Variants in RANBP17 observed in about 807,000 individuals in gnomAD.
RANBP17 encodes ran-binding protein 17.
Under a neutral mutation model 141.2 loss-of-function variants are expected in RANBP17, and 158 were observed. That is an observed-to-expected ratio of 1.12 (90% confidence interval 0.98 to 1.28). The LOEUF (loss-of-function observed/expected upper bound fraction) is 1.28, where lower values mean the gene tolerates loss of function less well. Ranked by LOEUF, RANBP17 falls within the 50% of genes most tolerant of loss-of-function variation. The probability of loss-of-function intolerance (pLI) is 0.00; values close to 1 mark genes in which losing one functional copy is unlikely to be tolerated. For synonymous variants in RANBP17, 430 were observed against 450.0 expected (o/e 0.96, Z 0.56); for missense variants, 1,438 against 1,290.7 (o/e 1.11, Z -1.75).
chr5:170,872,712 A>G (rs1281161916), intron 1 of RANBP17, among the ~76,000 whole-genome samples: 1 of 152,182 alleles, frequency 6.6e-6, no homozygotes, highest in East Asian at 1.9e-4. Context: ...AAGAATTTTT[A>G]ACATGCAGGG....
chr5:171,102,455 G>A lies in RANBP17; in HGVS notation c.1711-67675G>A, dbSNP rs550337986. Among the ~76,000 whole-genome samples the A allele has an allele frequency of 1.5e-3, 229 of 151,888 alleles. 1 individual carries two copies. Among genetic ancestry groups the A allele is most frequent in the Admixed American group, 2.8e-3 (42 of 15,240 alleles). On this transcript the variant is annotated intron_variant, in intron 14 of 27. Coordinates refer to ENST00000523189, the MANE Select transcript of RANBP17 (RefSeq NM_022897.5). ...TTTTCAGCTCCATCAGGTCATTTATGTTCTTCTCTAATCTAGTTATTCTAG... is the reference window on the plus strand; with the variant it reads ...TTTTCAGCTCCATCAGGTCATTTATATTCTTCTCTAATCTAGTTATTCTAG...
chr5:171,038,516 T>G (rs1782033235), intron 14 of RANBP17, among the ~76,000 whole-genome samples: 1 of 152,194 alleles, frequency 6.6e-6, no homozygotes, highest in Non-Finnish European at 1.5e-5. Context: ...GGCATCCTTG[T>G]CTTGTTCCAG....
intron 25 of RANBP17, among the ~76,000 whole-genome samples, chr5:171,279,057 A>T (rs1767696345): frequency 6.6e-6 from 1 of 152,192 alleles, no homozygotes; most frequent in South Asian, 2.1e-4. Context: ...TTTTGAAGCC[A>T]TATCACTGAG....
chr5:171,267,429 T>C (rs1275138373), intron 25 of RANBP17, among the ~76,000 whole-genome samples: 1 of 152,122 alleles, frequency 6.6e-6, no homozygotes, highest in African/African-American at 2.4e-5. Context: ...ATTACATCCA[T>C]AATAGTTTGT....
Position 170,871,890 on chromosome 5 carries a change from G to A in RANBP17, c.19-6207G>A, listed in dbSNP as rs573930614. Among the ~76,000 whole-genome samples, 16 of 152,210 alleles carry A rather than the reference G, an allele frequency of 1.1e-4. No homozygotes were observed. The South Asian group carries it at 3.1e-3, about 30-fold the overall frequency. ...TCTATTGGTCTATGTGTTTGTTTTGGTACCAGTACCATACTGTTTTAGTTA... is the reference window on the plus strand; with the variant it reads ...TCTATTGGTCTATGTGTTTGTTTTGATACCAGTACCATACTGTTTTAGTTA... On this transcript the variant is annotated intron_variant, in intron 1 of 27. Transcript: ENST00000523189.
At chr5:171,114,811 G>A (rs929730803) in intron 14 of RANBP17, among the ~76,000 whole-genome samples, 1 of 151,358 alleles carries the variant, frequency 6.6e-6, no homozygotes, top group Non-Finnish European at 1.5e-5. Flanking sequence ...TGTGGTCTTG[G>A]TTCTTAAAAA....
rs1211609099 is a variant in RANBP17, at chr5:171,086,714, T to G, written c.1711-83416T>G. Among the ~76,000 whole-genome samples the G allele has an allele frequency of 7.1e-4, 107 of 149,862 alleles. 1 individual carries two copies. The highest frequency in any genetic ancestry group is 2.1e-3 in the Admixed American group (31 of 14,974). ...TGGGAGAGTGTATGTGTCGAGGAAT[T>G]TATCCATTTCTTCTAGATTTTCTAG... On this transcript the variant is annotated intron_variant, in intron 14 of 27. Transcript: ENST00000523189.
intron 14 of RANBP17, among the ~76,000 whole-genome samples, chr5:171,154,472 G>A (rs1171590911): frequency 1.3e-5 from 2 of 152,062 alleles, no homozygotes; most frequent in African/African-American, 4.8e-5. Context: ...CAGAGACGGG[G>A]TTTCCCCATG....
chr5:171,025,211 T>C (rs1347672054), intron 14 of RANBP17, among the ~76,000 whole-genome samples: 1 of 152,174 alleles, frequency 6.6e-6, no homozygotes, highest in East Asian at 1.9e-4. Flanking sequence ...ACATATCCAT[T>C]CTCAAAGTGG....
chr5:171,293,947 G>T lies in RANBP17; in HGVS notation c.3008G>T (p.Arg1003Met). Residue 1003 changes from arginine to methionine, a missense_variant, in exon 26 of 28, where the codon AGG becomes ATG. Coordinates refer to ENST00000523189, the MANE Select transcript of RANBP17 (RefSeq NM_022897.5). ...TGTCGGAACCAGTGGTCAGTATCCA[G>T]GCCTCTCCTGGGGCTCATCCTGCTC... ...EDCRNQWSVS[R>M]PLLGLILLNE... The T allele has an allele frequency of 6.2e-7, 1 of 1,613,910 alleles. No individual in the cohort carries two copies. Among genetic ancestry groups the T allele is most frequent in the Non-Finnish European group, 8.5e-7 (1 of 1,179,864 alleles).
intron 14 of RANBP17, among the ~76,000 whole-genome samples, chr5:171,011,839 CT>C (rs1780056618): frequency 6.6e-6 from 1 of 151,838 alleles, no homozygotes; most frequent in Non-Finnish European, 1.5e-5. Context: ...TCCTATATAA[CT>C]TTAAAAAAAA....
chr5:170,968,296 G>C lies in RANBP17; in HGVS notation c.1629G>C (p.Glu543Asp). 1 of 1,608,862 alleles carries C rather than the reference G, an allele frequency of 6.2e-7. No homozygotes were observed. Among genetic ancestry groups the C allele is most frequent in the South Asian group, 1.1e-5 (1 of 90,146 alleles). Reference sequence around the variant, plus strand: ...CCGGATTGCCTCGATGTTGTAATGAGAAAATAGAGCTTGCAATTCTGTGGT... The same window carrying C: ...CCGGATTGCCTCGATGTTGTAATGACAAAATAGAGCTTGCAATTCTGTGGT... ...MDTGLPRCCN[E>D]KIELAILWFL... Residue 543 changes from glutamate (E) to aspartate (D), a missense_variant, in exon 14 of 28, where the codon GAG becomes GAC. By Grantham distance (45) the Glu-to-Asp change is conservative. Coordinates refer to ENST00000523189, the MANE Select transcript of RANBP17 (RefSeq NM_022897.5).
intron 14 of RANBP17, among the ~76,000 whole-genome samples, chr5:171,094,149 G>A (rs1462997866): frequency 1.3e-5 from 2 of 152,122 alleles, no homozygotes; most frequent in Non-Finnish European, 2.9e-5. Flanking sequence ...AAGAATGAAA[G>A]CACCAACTAA....
intron 22 of RANBP17, among the ~76,000 whole-genome samples, chr5:171,229,292 G>A (rs1338995938): frequency 6.6e-6 from 1 of 152,210 alleles, no homozygotes; most frequent in African/African-American, 2.4e-5. Flanking sequence ...AGGATCAGGT[G>A]GCTTACAAAG....
At chr5:171,048,524 T>C (rs1782744153) in intron 14 of RANBP17, among the ~76,000 whole-genome samples, 1 of 152,178 alleles carries the variant, frequency 6.6e-6, no homozygotes, top group Admixed American at 6.5e-5. Flanking sequence ...GCAGGTTTGT[T>C]ACATAGGTAA....
intron 26 of RANBP17, 96 bp from the exon 27 acceptor site, chr5:171,295,790 GC>G: frequency 7.3e-7 from 1 of 1,360,676 alleles, no homozygotes; most frequent in South Asian, 1.3e-5. Context: ...GCATTAGTGA[GC>G]CCTGAGTAGA....
chr5:171,192,618 C>G (rs770593197), intron 18 of RANBP17, among the ~76,000 whole-genome samples: 4 of 152,118 alleles, frequency 2.6e-5, no homozygotes, highest in Non-Finnish European at 5.9e-5. Context: ...GATAAAGATA[C>G]ATAAAAAGGC....
chr5:171,218,768 T>C (rs1763378749), intron 21 of RANBP17, among the ~76,000 whole-genome samples: 1 of 151,800 alleles, frequency 6.6e-6, no homozygotes, highest in Admixed American at 6.6e-5. Flanking sequence ...TATTCCTCCA[T>C]CCCTTTATTT....
At chr5:170,924,251 T>A in intron 11 of RANBP17, 106 bp from the exon 12 acceptor site, 1 of 751,838 alleles carries the variant, frequency 1.3e-6, no homozygotes. Context: ...TGCCTCTGTC[T>A]TTTATTCCTT....
Sources: allele counts gnomAD v4.1 joint callset (sites outside exome capture counted in the v4.1 genomes callset), GRCh38; gene constraint gnomAD v4.1.1; transcripts MANE v1.5; gene names NCBI Gene and HGNC (gene_info 2026-07-23, HGNC 2026-07-21).